Variants in STK3 observed in about 807,000 individuals in gnomAD.
STK3 encodes serine/threonine-protein kinase 3.
STK3 carries 41 observed loss-of-function variants against 58.0 expected under a neutral mutation model. The observed-to-expected ratio is 0.71, with a 90% CI of 0.55 to 0.92. The LOEUF (loss-of-function observed/expected upper bound fraction) is 0.92, where lower values mean the gene tolerates loss of function less well. Ranked by LOEUF, STK3 falls within the 40% of genes least tolerant of loss-of-function variation. STK3 has a pLI of 0.00. For synonymous variants in STK3, 170 were observed against 191.0 expected, an observed-to-expected ratio of 0.89 and a Z score of 0.91; for missense variants, 479 against 602.7, an observed-to-expected ratio of 0.79 and a Z score of 2.15.
intron 6 of STK3, among the ~76,000 whole-genome samples, chr8:98,653,141 C>T (rs775750322): frequency 2.8e-4 from 43 of 152,276 alleles, no homozygotes; most frequent in African/African-American, 7.2e-4. Context: ...TCTCTCAGAC[C>T]ACAGTGCAAT....
rs971172920 is a variant in STK3, at chr8:98,610,372, G to A, written c.685-14203C>T. Among the ~76,000 whole-genome samples the A allele has an allele frequency of 1.8e-4, 27 of 152,322 alleles. 1 individual carries two copies. The East Asian group carries it at 3.5e-3, about 20-fold the overall frequency. ...CCAAGGACAAGAAGTTCAACACCAT[G>A]AAGTACTATTAGAAGATCAGAATAT... On this transcript the variant is annotated intron_variant, in intron 6 of 10. Transcript: ENST00000419617.
At chr8:98,613,084 G>C (rs1004490689) in intron 6 of STK3, among the ~76,000 whole-genome samples, 6 of 152,156 alleles carry the variant, frequency 3.9e-5, no homozygotes, top group African/African-American at 1.2e-4. Context: ...GACTACACAC[G>C]GAGAGCTAGA....
intron 10 of STK3, among the ~76,000 whole-genome samples, chr8:98,485,211 A>T (rs1026454026): frequency 1.3e-5 from 2 of 151,738 alleles, no homozygotes; most frequent in Non-Finnish European, 2.9e-5. Context: ...ATTGCACTCC[A>T]GCCTGGGCAA....
chr8:98,457,165 C>T (rs564774768), intron 10 of STK3, among the ~76,000 whole-genome samples: 3 of 152,280 alleles, frequency 2.0e-5, no homozygotes, highest in Non-Finnish European at 4.4e-5. Context: ...CATGAAAGAA[C>T]CTAGCTTTTA....
At chr8:98,351,621 G>A in the STK3 span, among the ~76,000 whole-genome samples, 1 of 151,960 alleles carries the variant, frequency 6.6e-6, no homozygotes, top group Non-Finnish European at 1.5e-5. Context: ...CAGAGCTGGG[G>A]GCTGCAGAGG....
intron 3 of STK3, among the ~76,000 whole-genome samples, chr8:98,761,379 C>G (rs970724334): frequency 6.6e-6 from 1 of 151,896 alleles, no homozygotes; most frequent in Non-Finnish European, 1.5e-5. Context: ...CCCACCTCGG[C>G]CTCCCAAAGT....
rs984801180 is a variant in STK3, at chr8:98,682,662, T to C, written c.684+23805A>G. Among the ~76,000 whole-genome samples the C allele has an allele frequency of 2.4e-4, 37 of 152,200 alleles. 1 individual carries two copies. Among genetic ancestry groups the C allele is most frequent in the African/African-American group, 4.8e-5 (2 of 41,470 alleles). On this transcript the variant is annotated intron_variant, in intron 6 of 10. Coordinates refer to ENST00000419617, the MANE Select transcript of STK3 (RefSeq NM_006281.4). ...AATTAATATAGTCTTCTAGGACAGC[T>C]GAATTCTATTCTACAGCAATTTAAC...
At chr8:98,816,711 T>G (rs1834569417) in intron 1 of STK3, among the ~76,000 whole-genome samples, 1 of 152,034 alleles carries the variant, frequency 6.6e-6, no homozygotes, top group Admixed American at 6.5e-5. Flanking sequence ...TTTTTGTATT[T>G]TTAGTAGAGA....
chr8:98,514,504 T>C (rs180778652), intron 10 of STK3, among the ~76,000 whole-genome samples: 372 of 151,480 alleles, frequency 2.5e-3, no homozygotes, highest in African/African-American at 8.6e-3. Context: ...AGTTCAAGCA[T>C]AGACTGATAC....
intron 1 of STK3, among the ~76,000 whole-genome samples, chr8:98,814,343 G>A (rs1834411674): frequency 7.0e-6 from 1 of 142,670 alleles, no homozygotes; most frequent in Admixed American, 7.6e-5. Context: ...GAGCCACCGC[G>A]CCCAGCATTT....
chr8:98,587,521 T>C (rs1399092268), intron 7 of STK3, among the ~76,000 whole-genome samples: 1 of 152,164 alleles, frequency 6.6e-6, no homozygotes, highest in Non-Finnish European at 1.5e-5. Context: ...CTTCAAAGTA[T>C]GTGGTCAATT....
intron 6 of STK3, among the ~76,000 whole-genome samples, chr8:98,632,607 G>C (rs1235050711): frequency 6.6e-6 from 1 of 152,160 alleles, no homozygotes; most frequent in Non-Finnish European, 1.5e-5. Flanking sequence ...CCATACTATA[G>C]TCAGTAAAGT....
intron 3 of STK3, 106 bp from the exon 4 acceptor site, chr8:98,749,496 T>A: frequency 4.0e-6 from 2 of 502,092 alleles, no homozygotes; most frequent in Non-Finnish European, 7.0e-6. Flanking sequence ...TCCAATAAGT[T>A]AAATAAGTAA....
At chr8:98,560,641 A>G (rs942816102) in intron 8 of STK3, among the ~76,000 whole-genome samples, 2 of 152,162 alleles carry the variant, frequency 1.3e-5, no homozygotes, top group Non-Finnish European at 2.9e-5. Flanking sequence ...TTCAATCCCA[A>G]TAAGAATTCC....
At chr8:98,666,090 T>C (rs1191037813) in intron 6 of STK3, among the ~76,000 whole-genome samples, 1 of 151,996 alleles carries the variant, frequency 6.6e-6, no homozygotes, top group East Asian at 1.9e-4. Flanking sequence ...TTTCACCTAA[T>C]AACTGGTTTA....
intron 1 of STK3, among the ~76,000 whole-genome samples, chr8:98,382,736 C>T (rs186852881): frequency 6.6e-6 from 1 of 152,260 alleles, no homozygotes; most frequent in African/African-American, 2.4e-5. Flanking sequence ...CTGCCTGCAC[C>T]GTCCACTCCA....
chr8:98,905,220 G>T (rs530936681), intron 1 of STK3: 3 of 908,872 alleles, frequency 3.3e-6, no homozygotes, highest in East Asian at 4.8e-5. Flanking sequence ...CCGAAGTCGG[G>T]CTTGTGGACA....
intron 1 of STK3, among the ~76,000 whole-genome samples, chr8:98,439,503 G>A (rs1489613773): frequency 6.6e-6 from 1 of 152,156 alleles, no homozygotes; most frequent in Non-Finnish European, 1.5e-5. Flanking sequence ...AAGCTTGCCA[G>A]ATATTCCCCT....
At chr8:98,846,130 A>G (rs550705139) in intron 3 of STK3, among the ~76,000 whole-genome samples, 125 of 152,352 alleles carry the variant, frequency 8.2e-4, no homozygotes, top group African/African-American at 3.0e-3. Context: ...AGATGCATCT[A>G]TGTGATGGAT....
Sources: gnomAD v4.1 joint callset for allele counts (sites outside exome capture counted in the v4.1 genomes callset) on GRCh38, gnomAD v4.1.1 for gene constraint, MANE v1.5 for transcripts, NCBI Gene and HGNC (gene_info 2026-07-23, HGNC 2026-07-21) for gene names.